SLC9A9: variants seen among roughly 807,000 people sequenced by gnomAD.
SLC9A9 encodes sodium/hydrogen exchanger 9.
In SLC9A9, 62 loss-of-function variants were observed where a neutral mutation model predicts 77.8. The ratio of observed to expected loss-of-function variants is 0.80; its 90% confidence interval spans 0.65 to 0.98. The LOEUF is 0.98. SLC9A9 is among the 50% of genes least tolerant of loss of function. The pLI, the probability that SLC9A9 is intolerant of heterozygous loss-of-function variation, is 0.00. For synonymous variants in SLC9A9, 320 were observed against 283.5 expected (o/e 1.13, Z -1.29); for missense variants, 775 against 774.9 (o/e 1.00, Z 0.00).
rs189721815 is a variant in SLC9A9, at chr3:143,585,254, G to A, written c.756-6531C>T. ...GGAAATTCCTTGTGGACAAAGGACA[G>A]ACAGAACTCAAAGTCATCCCTCTGA... On this transcript the variant is annotated intron_variant, in intron 6 of 15. Coordinates refer to ENST00000316549, the MANE Select transcript of SLC9A9 (RefSeq NM_173653.4). Among the ~76,000 whole-genome samples the A allele has an allele frequency of 1.0e-3, 156 of 152,312 alleles. 1 individual carries two copies. The highest frequency in any genetic ancestry group is 3.8e-3 in the African/African-American group (156 of 41,578).
intron 4 of SLC9A9, among the ~76,000 whole-genome samples, chr3:143,790,666 G>A (rs970459143): frequency 1.3e-5 from 2 of 152,118 alleles, no homozygotes; most frequent in Non-Finnish European, 2.9e-5. Context: ...CTAAACTACA[G>A]CATCTTCATA....
chr3:143,787,254 T>G (rs774923145), intron 4 of SLC9A9, among the ~76,000 whole-genome samples: 8 of 152,208 alleles, frequency 5.3e-5, no homozygotes, highest in Non-Finnish European at 1.2e-4. Flanking sequence ...AATTGATACA[T>G]GCAAGAGAAT....
chr3:143,372,545 T>C (rs752081973), intron 13 of SLC9A9, among the ~76,000 whole-genome samples: 1 of 152,134 alleles, frequency 6.6e-6, no homozygotes, highest in Non-Finnish European at 1.5e-5. Flanking sequence ...AAAACTCTTC[T>C]GGACACTGAT....
At chr3:143,377,368 C>G (rs576874589) in intron 13 of SLC9A9, among the ~76,000 whole-genome samples, 286 of 152,272 alleles carry the variant, frequency 1.9e-3, no homozygotes, top group African/African-American at 6.7e-3. Flanking sequence ...TTGTTGTGCC[C>G]CTTCGTAGTT....
At chr3:143,743,260 T>C (rs1406082463) in intron 4 of SLC9A9, among the ~76,000 whole-genome samples, 5 of 150,230 alleles carry the variant, frequency 3.3e-5, no homozygotes, top group African/African-American at 9.9e-5. Flanking sequence ...GATAGATAGA[T>C]AGATAGATAG....
chr3:143,418,744 T>C (rs2034244287), intron 12 of SLC9A9, among the ~76,000 whole-genome samples: 2 of 152,104 alleles, frequency 1.3e-5, no homozygotes, highest in African/African-American at 2.4e-5. Flanking sequence ...CAATATTGAG[T>C]GCCAATTTCA....
In SLC9A9 at chr3:143,631,750, T is replaced by G. The variant is rs151246921; in HGVS notation, c.755+20505A>C. On this transcript the variant is annotated intron_variant, in intron 6 of 15. Transcript: ENST00000316549. ...AGGAGATGTATCTACACTCTCCCAATATTCCTACATCTTCCAGTTTTTCCA... is the reference window on the plus strand; with the variant it reads ...AGGAGATGTATCTACACTCTCCCAAGATTCCTACATCTTCCAGTTTTTCCA... 4.2e-3 allele frequency among the ~76,000 whole-genome samples: 647 copies of G among 152,284 alleles called. 3 individuals carry two copies. The highest frequency in any genetic ancestry group is 0.02 in the Middle Eastern group (6 of 294).
chr3:143,799,690 C>A lies in SLC9A9; in HGVS notation c.379-2787G>T, dbSNP rs555181321. Among the ~76,000 whole-genome samples, 27 of 152,340 alleles carry A rather than the reference C, an allele frequency of 1.8e-4. No individual in the cohort carries two copies. The South Asian group carries it at 4.3e-3, about 25-fold the overall frequency. On this transcript the variant is annotated intron_variant, in intron 2 of 15. Coordinates refer to ENST00000316549, the MANE Select transcript of SLC9A9 (RefSeq NM_173653.4). ...CTCACCTGGCAGCCACTCCCAGAGC[C>A]GCTGGAACTCTGGCCCAAGGCTCTC... is the stretch of plus-strand genomic sequence containing the variant.
chr3:143,330,063 C>G (rs530399965), intron 14 of SLC9A9, among the ~76,000 whole-genome samples: 2 of 152,286 alleles, frequency 1.3e-5, no homozygotes, highest in Non-Finnish European at 1.5e-5. Flanking sequence ...TGACCTCCCC[C>G]ATGCCTGGCT....
chr3:143,505,395 T>TATAAATTATAC (rs2035996701), intron 9 of SLC9A9, among the ~76,000 whole-genome samples: 1 of 152,240 alleles, frequency 6.6e-6, no homozygotes, highest in Non-Finnish European at 1.5e-5. Context: ...TATATATGCA[T>TATAAATTATAC]ATAAATTATA....
Position 143,644,769 on chromosome 3 carries a change from T to C in SLC9A9, c.755+7486A>G, listed in dbSNP as rs73005545. ...TTAAGCAAAAACAGCCATAACTTTT[T>C]TTTTTTTTAATTATGTATCACCCCA... On this transcript the variant is annotated intron_variant, in intron 6 of 15. Coordinates refer to ENST00000316549, the MANE Select transcript of SLC9A9 (RefSeq NM_173653.4). 7.2e-3 allele frequency among the ~76,000 whole-genome samples: 1,101 copies of C among 152,312 alleles called. 18 individuals carry two copies. Among genetic ancestry groups the C allele is most frequent in the African/African-American group, 0.025 (1,056 of 41,546 alleles).
chr3:143,409,760 C>T (rs139386796), intron 12 of SLC9A9, among the ~76,000 whole-genome samples: 36 of 152,260 alleles, frequency 2.4e-4, no homozygotes, highest in Non-Finnish European at 4.1e-4. Context: ...GAAGCAAGAA[C>T]GTTTGTTAGC....
intron 5 of SLC9A9, among the ~76,000 whole-genome samples, chr3:143,670,871 G>T (rs189998724): frequency 3.5e-4 from 53 of 152,244 alleles, no homozygotes; most frequent in Middle Eastern, 3.4e-3. Flanking sequence ...ATGAACAAAT[G>T]TTTGTTAAAT....
chr3:143,840,410 C>A (rs1175323449), intron 1 of SLC9A9, among the ~76,000 whole-genome samples: 3 of 152,146 alleles, frequency 2.0e-5, no homozygotes, highest in African/African-American at 7.2e-5. Context: ...ATGATGAAAG[C>A]CTATTTTGCA....
chr3:143,650,843 T>C (rs1231618787), intron 6 of SLC9A9, among the ~76,000 whole-genome samples: 1 of 152,192 alleles, frequency 6.6e-6, no homozygotes, highest in South Asian at 2.1e-4. Flanking sequence ...AGATACTACA[T>C]GGACTATTTC....
chr3:143,794,290 A>T (rs186072408), intron 4 of SLC9A9, among the ~76,000 whole-genome samples: 1 of 151,492 alleles, frequency 6.6e-6, no homozygotes, highest in Admixed American at 6.6e-5. Flanking sequence ...AATTGAAGAC[A>T]TCTGCATCAT....
At chr3:143,430,228 G>A (rs1027063841) in intron 12 of SLC9A9, among the ~76,000 whole-genome samples, 2 of 152,212 alleles carry the variant, frequency 1.3e-5, no homozygotes, top group Admixed American at 1.3e-4. Context: ...GACCACCAAA[G>A]TCAAGCTTTG....
chr3:143,826,072 A>G (rs2009289345), intron 2 of SLC9A9, among the ~76,000 whole-genome samples: 1 of 152,082 alleles, frequency 6.6e-6, no homozygotes, highest in African/African-American at 2.4e-5. Context: ...CAGCCTGGAC[A>G]ACATGGTGAA....
intron 14 of SLC9A9, among the ~76,000 whole-genome samples, chr3:143,288,519 G>A (rs1326930780): frequency 6.6e-6 from 1 of 152,170 alleles, no homozygotes; most frequent in African/African-American, 2.4e-5. Context: ...AAGACTTTGG[G>A]GGGCAAATAA....
Sources: gnomAD v4.1 joint callset for allele counts (sites outside exome capture counted in the v4.1 genomes callset) on GRCh38, gnomAD v4.1.1 for gene constraint, MANE v1.5 for transcripts, NCBI Gene and HGNC (gene_info 2026-07-23, HGNC 2026-07-21) for gene names.